PSMD1: variants seen among roughly 807,000 people sequenced by gnomAD.
PSMD1 encodes 26S proteasome non-ATPase regulatory subunit 1.
Under a neutral mutation model 119.0 loss-of-function variants are expected in PSMD1, and 18 were observed. That is an observed-to-expected ratio of 0.15 (90% confidence interval 0.10 to 0.22). The LOEUF (loss-of-function observed/expected upper bound fraction) is 0.22, where lower values mean the gene tolerates loss of function less well. Ranked by LOEUF, PSMD1 falls within the 10% of genes least tolerant of loss-of-function variation. The pLI is 1.00. For missense variants in PSMD1, 702 were observed against 1,158.5 expected (o/e 0.61, Z 5.72); for synonymous variants, 374 against 396.6 (o/e 0.94, Z 0.68).
At chr2:231,123,832 A>T in intron 16 of PSMD1, 1 of 1,236,054 alleles carries the variant, frequency 8.1e-7, no homozygotes. Flanking sequence ...TAAGCTGCTC[A>T]TCTGTTTTTT....
At chr2:231,144,288 G>C (rs969102079) in intron 17 of PSMD1, among the ~76,000 whole-genome samples, 4 of 138,058 alleles carry the variant, frequency 2.9e-5, no homozygotes, top group Non-Finnish European at 6.3e-5. Flanking sequence ...TTTCACTCTT[G>C]TTGCCCAGGC....
At chr2:231,166,490 T>C (rs1372292042) in intron 23 of PSMD1, among the ~76,000 whole-genome samples, 5 of 148,206 alleles carry the variant, frequency 3.4e-5, no homozygotes, top group Non-Finnish European at 7.4e-5. Flanking sequence ...TTGATTACTA[T>C]GGTAATTACA....
intron 21 of PSMD1, 88 bp downstream of exon 21, chr2:231,163,815 T>C (rs1696694968): frequency 2.1e-6 from 2 of 943,576 alleles, no homozygotes; most frequent in African/African-American, 1.7e-5. Flanking sequence ...TCTTTTATGT[T>C]TTAAAAGTAA....
chr2:231,078,641 C>G lies in PSMD1; in HGVS notation c.1072-18C>G, dbSNP rs1694225836. The G allele has an allele frequency of 6.3e-7, 1 of 1,583,882 alleles. No individual in the cohort carries two copies. Among genetic ancestry groups the G allele is most frequent in the African/African-American group, 1.4e-5 (1 of 73,264 alleles). On this transcript the variant is annotated intron_variant, in intron 9 of 24. Transcript: ENST00000308696. ...ATACTTTGCCAGTGATGAAACAATT[C>G]TGTATTTGTTGTTGCAGGATGCAGT... is the stretch of plus-strand genomic sequence containing the variant.
intron 19 of PSMD1, among the ~76,000 whole-genome samples, chr2:231,158,012 T>C (rs1396157473): frequency 2.0e-5 from 3 of 151,938 alleles, no homozygotes; most frequent in Admixed American, 6.6e-5. Context: ...CTTCTCTCAG[T>C]AAAATTAGTG....
At chr2:231,166,087 T>C in intron 23 of PSMD1, 70 bp downstream of exon 23, 2 of 1,355,348 alleles carry the variant, frequency 1.5e-6, no homozygotes, top group Non-Finnish European at 2.0e-6. Flanking sequence ...AGAATATTGA[T>C]AGAGAATGAT....
intron 19 of PSMD1, among the ~76,000 whole-genome samples, chr2:231,158,733 T>C (rs1696566910): frequency 6.6e-6 from 1 of 152,228 alleles, no homozygotes; most frequent in African/African-American, 2.4e-5. Flanking sequence ...CATAATACTT[T>C]CATATCTTAT....
At chr2:231,145,188 G>A (rs1395413426) in intron 17 of PSMD1, among the ~76,000 whole-genome samples, 1 of 152,240 alleles carries the variant, frequency 6.6e-6, no homozygotes, top group African/African-American at 2.4e-5. Flanking sequence ...TGCGTTCTGA[G>A]AAATGGCAGT....
intron 17 of PSMD1, among the ~76,000 whole-genome samples, chr2:231,143,009 A>G (rs959511942): frequency 6.6e-6 from 1 of 152,182 alleles, no homozygotes; most frequent in Non-Finnish European, 1.5e-5. Context: ...TACTTGAGAA[A>G]CATCCTACCA....
chr2:231,089,264 G>T (rs1271287679), intron 16 of PSMD1, among the ~76,000 whole-genome samples: 2 of 152,210 alleles, frequency 1.3e-5, no homozygotes, highest in Non-Finnish European at 2.9e-5. Context: ...ATCTAGCTAA[G>T]ATCATTGATG....
chr2:231,142,130 G>A (rs539977466), intron 17 of PSMD1, among the ~76,000 whole-genome samples: 3 of 152,224 alleles, frequency 2.0e-5, no homozygotes, highest in African/African-American at 4.8e-5. Context: ...TTGTCCACCC[G>A]CCTCAGCTTC....
chr2:231,163,572 C>A, intron 20 of PSMD1, 63 bp from the exon 21 acceptor site: 1 of 1,257,738 alleles, frequency 8.0e-7, no homozygotes, highest in Non-Finnish European at 1.1e-6. Flanking sequence ...CCTTTTGTAT[C>A]CGTATGCCTG....
chr2:231,144,842 T>C (rs1696215967), intron 17 of PSMD1, among the ~76,000 whole-genome samples: 1 of 152,196 alleles, frequency 6.6e-6, no homozygotes, highest in African/African-American at 2.4e-5. Context: ...ATAAAGATTG[T>C]TTTGTGCTGG....
intron 23 of PSMD1, among the ~76,000 whole-genome samples, chr2:231,169,159 T>TTG (rs1553570722): frequency 9.9e-5 from 15 of 152,242 alleles, no homozygotes; most frequent in Admixed American, 8.5e-4. Context: ...GGATTTTTTT[T>TTG]TGTGTGTGTG....
chr2:231,084,952 C>A, intron 14 of PSMD1, 67 bp from the exon 15 acceptor site: 1 of 1,260,518 alleles, frequency 7.9e-7, no homozygotes, highest in Non-Finnish European at 1.2e-6. Flanking sequence ...TGCCACTATG[C>A]CTATTAGACT....
At chr2:231,102,290 C>T (rs757313960) in intron 16 of PSMD1, among the ~76,000 whole-genome samples, 2 of 152,084 alleles carry the variant, frequency 1.3e-5, no homozygotes, top group Admixed American at 6.6e-5. Flanking sequence ...TAGAACCAAA[C>T]CCACAATACC....
At chr2:231,073,129 G>C (rs1314419004) in intron 7 of PSMD1, among the ~76,000 whole-genome samples, 1 of 152,146 alleles carries the variant, frequency 6.6e-6, no homozygotes, top group Non-Finnish European at 1.5e-5. Context: ...TGACCGGTGT[G>C]TGGAGCAGTC....
In PSMD1 at chr2:231,137,080, A is replaced by G. The variant is rs578220671; in HGVS notation, c.1884-1656A>G. ...ATATATATATTTTTATGTATAATAT[A>G]TATTTATATATTATATTTTATATAT... is the stretch of plus-strand genomic sequence containing the variant. On this transcript the variant is annotated intron_variant, in intron 16 of 24. Coordinates refer to ENST00000308696, the MANE Select transcript of PSMD1 (RefSeq NM_002807.4). Among the ~76,000 whole-genome samples, 5 of 145,440 alleles carry G rather than the reference A, an allele frequency of 3.4e-5. No homozygotes were observed. In the East Asian group the frequency reaches 7.8e-4, roughly 23 times the overall value.
Position 231,108,870 on chromosome 2 carries a change from A to G in PSMD1, c.1883+21689A>G, listed in dbSNP as rs769926437. ...GAGGAAACATAGCCTATCCACACAA[A>G]TATCTCCAGGAGCATTTGGAGAGTA... On this transcript the variant is annotated intron_variant, in intron 16 of 24. Transcript: ENST00000308696. 3.7e-6 allele frequency: 6 copies of G among 1,614,154 alleles called. No homozygotes were observed. The South Asian group carries it at 5.5e-5, about 15-fold the overall frequency.
Sources: gnomAD v4.1 joint callset for allele counts (sites outside exome capture counted in the v4.1 genomes callset) on GRCh38, gnomAD v4.1.1 for gene constraint, MANE v1.5 for transcripts, NCBI Gene and HGNC (gene_info 2026-07-23, HGNC 2026-07-21) for gene names.